ABCA6: variants seen among roughly 807,000 people sequenced by gnomAD.
ABCA6 encodes the protein ATP-binding cassette sub-family A member 6.
In ABCA6, 164 loss-of-function variants were observed where a neutral mutation model predicts 191.2. The observed-to-expected ratio is 0.86, with a 90% CI of 0.76 to 0.98. The LOEUF is 0.98. Ranked by LOEUF, ABCA6 falls within the 50% of genes least tolerant of loss-of-function variation. The probability of loss-of-function intolerance (pLI) is 0.00; values close to 1 mark genes in which losing one functional copy is unlikely to be tolerated. For missense variants in ABCA6, 1,958 were observed against 1,894.1 expected, an observed-to-expected ratio of 1.03 and a Z score of -0.63; for synonymous variants, 636 against 647.7, an observed-to-expected ratio of 0.98 and a Z score of 0.27.
chr17:69,133,099 A>C (rs979409225), intron 6 of ABCA6, among the ~76,000 whole-genome samples: 1 of 152,224 alleles, frequency 6.6e-6, no homozygotes, highest in Non-Finnish European at 1.5e-5. Flanking sequence ...TTTGTGTTGT[A>C]TGTCCTAGGA....
At position 69,083,237 on chromosome 17, in the gene ABCA6, C is replaced by A; in HGVS notation, c.4450G>T (p.Ala1484Ser). The change falls in exon 35 of 39, where the codon GCC becomes TCC. Residue 1484 changes from alanine (A) to serine (S), a missense_variant. Transcript: ENST00000284425. ...AEAEALCDRVAIMVSGRLRCI... is the reference protein window; with the variant it reads ...AEAEALCDRVSIMVSGRLRCI... ...CTAAGCCTTCCAGACACCATGATGGCCACACGGTCACACAAGGCTTCCGCC... is the reference window on the plus strand; with the variant it reads ...CTAAGCCTTCCAGACACCATGATGGACACACGGTCACACAAGGCTTCCGCC... 6.2e-7 allele frequency: 1 copy of A among 1,606,792 alleles called. No individual in the cohort carries two copies. Among genetic ancestry groups the A allele is most frequent in the Non-Finnish European group, 8.5e-7 (1 of 1,177,854 alleles).
intron 15 of ABCA6, 84 bp downstream of exon 15, chr17:69,113,138 G>A: frequency 6.8e-7 from 1 of 1,467,146 alleles, no homozygotes; most frequent in Non-Finnish European, 9.1e-7. Context: ...CATAATGAGA[G>A]CAGGGCTCTT....
At chr17:69,102,634 TAA>T (rs2073205925) in intron 21 of ABCA6, among the ~76,000 whole-genome samples, 199 bp downstream of exon 21, 1 of 152,194 alleles carries the variant, frequency 6.6e-6, no homozygotes, top group African/African-American at 2.4e-5. Context: ...CTTTCAAATG[TAA>T]AAGTTATCTA....
chr17:69,138,111 T>A (rs1289523300), intron 2 of ABCA6, among the ~76,000 whole-genome samples: 1 of 152,150 alleles, frequency 6.6e-6, no homozygotes, highest in Admixed American at 6.6e-5. Flanking sequence ...CTTTCTATAT[T>A]CTCACTGTCC....
At chr17:69,096,918 A>C in intron 23 of ABCA6, 117 bp from the exon 24 acceptor site, 3 of 892,984 alleles carry the variant, frequency 3.4e-6, no homozygotes, top group Non-Finnish European at 4.8e-6. Context: ...TAATCTTCTA[A>C]TATTAAAAAA....
rs182066154 is a variant in ABCA6, at chr17:69,102,834, C to A, written c.2874+1G>T. 5 of 1,574,410 alleles carry A rather than the reference C, an allele frequency of 3.2e-6. No individual in the cohort carries two copies. The South Asian group carries it at 3.7e-5, about 12-fold the overall frequency. On this transcript the variant is annotated splice_donor_variant, in intron 21 of 38. Coordinates refer to ENST00000284425, the MANE Select transcript of ABCA6 (RefSeq NM_080284.3). LOFTEE classifies it high-confidence loss of function. ...TCATAAAAGCAAAAAGGCAAACATA[C>A]CTTTTGTTTACCAGAAACTATGATA...
chr17:69,103,911 C>CTTTTTTTTTTTTTTTTTTTTTT (rs55850112), intron 20 of ABCA6: 3 of 93,352 alleles, frequency 3.2e-5, no homozygotes, highest in African/African-American at 4.3e-5. Context: ...AAAAGAAGGA[C>CTTTTTTTTTTTTTTTTTTTTTT]TTTTTTTTTT....
At chr17:69,129,492 A>G (rs2073820738) in intron 7 of ABCA6, 118 bp downstream of exon 7, 3 of 833,354 alleles carry the variant, frequency 3.6e-6, no homozygotes, top group East Asian at 2.5e-5. Flanking sequence ...GGACACACAC[A>G]TGCACACACA....
rs2073919990 is a variant in ABCA6 at position 69,134,637 on chromosome 17, A to G, written c.564+2T>C. ...AGTAGAACTTTTCAATCAAGCACTT[A>G]CTTCTATAATGGCAGTATTAATAGC... On this transcript the variant is annotated splice_donor_variant, in intron 5 of 38. Transcript: ENST00000284425. LOFTEE classifies it high-confidence loss of function. 1 of 1,602,540 alleles carries G rather than the reference A, an allele frequency of 6.2e-7. No homozygotes were observed. Among genetic ancestry groups the G allele is most frequent in the Non-Finnish European group, 8.5e-7 (1 of 1,173,184 alleles).
At chr17:69,115,642 A>T (rs1242972971) in intron 11 of ABCA6, 156 bp from the exon 12 acceptor site, 1 of 475,836 alleles carries the variant, frequency 2.1e-6, no homozygotes, top group Non-Finnish European at 3.7e-6. Flanking sequence ...TATTTTCCTA[A>T]TTGCCAAAAT....
chr17:69,105,739 T>C (rs1169799167), intron 19 of ABCA6, 111 bp from the exon 20 acceptor site: 1 of 889,814 alleles, frequency 1.1e-6, no homozygotes, highest in Non-Finnish European at 1.7e-6. Context: ...CAATCATGAT[T>C]CTAGGTGCTA....
At chr17:69,112,646 A>T (rs908541936) in intron 15 of ABCA6, 4 of 183,032 alleles carry the variant, frequency 2.2e-5, no homozygotes, top group African/African-American at 9.6e-5. Context: ...GACACTGAAG[A>T]CTCGGAAGGG....
chr17:69,100,945 A>T lies in ABCA6; in HGVS notation c.2875-11T>A, dbSNP rs1449460896. 1 of 1,567,346 alleles carries T rather than the reference A, an allele frequency of 6.4e-7. No homozygotes were observed. The highest frequency in any genetic ancestry group is 8.7e-7 in the Non-Finnish European group (1 of 1,152,514). On this transcript the variant is annotated splice_polypyrimidine_tract_variant and intron_variant, in intron 21 of 38. Coordinates refer to ENST00000284425, the MANE Select transcript of ABCA6 (RefSeq NM_080284.3). ...TGAAAATCTATAATCCTTAAAACAG[A>T]AACAAATAAATAATGTTAATGCTAA...
chr17:69,096,503 T>C, intron 24 of ABCA6, 125 bp downstream of exon 24: 2 of 857,082 alleles, frequency 2.3e-6, no homozygotes, highest in Non-Finnish European at 1.7e-6. Flanking sequence ...ACATGCACTT[T>C]GCATGTTTTT....
intron 27 of ABCA6, 74 bp from the exon 28 acceptor site, chr17:69,088,332 T>C (rs2072852255): frequency 1.7e-6 from 2 of 1,202,630 alleles, no homozygotes; most frequent in African/African-American, 3.1e-5. Context: ...ATTAAGTTGG[T>C]GGTGTTTTGT....
chr17:69,085,547 T>C, intron 31 of ABCA6, 78 bp downstream of exon 31: 1 of 735,156 alleles, frequency 1.4e-6, no homozygotes, highest in Non-Finnish European at 2.0e-6. Context: ...AAAAGAAAAA[T>C]AGTATAGTCT....
chr17:69,118,066 T>C lies in ABCA6; in HGVS notation c.1437-110A>G, dbSNP rs540174680. 4 of 687,862 alleles carry C rather than the reference T, an allele frequency of 5.8e-6. No homozygotes were observed. In the East Asian group the frequency reaches 1.1e-4, roughly 19 times the overall value. The allele number at this position is 687,862 out of a possible 1,614,324, so 42.6% of individuals were successfully genotyped here. On this transcript the variant is annotated intron_variant, in intron 10 of 38. Coordinates refer to ENST00000284425, the MANE Select transcript of ABCA6 (RefSeq NM_080284.3). ...CTGCAGCCAACCACTTTATGTGAAA[T>C]AAGGGATGGCATAAACAGTCTATTC...
chr17:69,086,709 T>A lies in ABCA6; in HGVS notation c.3846A>T (p.Leu1282=), dbSNP rs1238781288. The change falls in exon 30 of 39, where the codon CTA becomes CTT. Residue 1282 remains leucine (L), a synonymous_variant. Transcript: ENST00000284425. The stretch of plus-strand genomic sequence containing the variant: ...TCTTCTGGCCTGCATATTCTTTGTG[T>A]AGACAGCTGGCAATTATAACAGGTT... ...DEKPVIIASC[L]HKEYAGQKKS... 6.2e-7 allele frequency: 1 copy of A among 1,612,080 alleles called. No individual in the cohort carries two copies. The highest frequency in any genetic ancestry group is 8.5e-7 in the Non-Finnish European group (1 of 1,179,056).
intron 11 of ABCA6, among the ~76,000 whole-genome samples, chr17:69,117,371 T>C (rs914520949): frequency 1.3e-5 from 2 of 152,084 alleles, no homozygotes; most frequent in Non-Finnish European, 2.9e-5. Context: ...CACTTTGATG[T>C]TTGCTTAAAT....
Sources: allele counts gnomAD v4.1 joint callset (sites outside exome capture counted in the v4.1 genomes callset), GRCh38; gene constraint gnomAD v4.1.1; transcripts MANE v1.5; gene names NCBI Gene and HGNC (gene_info 2026-07-23, HGNC 2026-07-21).